Variants in PLPPR4 observed in about 807,000 individuals in gnomAD.
PLPPR4 encodes phospholipid phosphatase related 4.
PLPPR4 carries 24 observed loss-of-function variants against 56.6 expected under a neutral mutation model. The ratio of observed to expected loss-of-function variants is 0.42; its 90% CI spans 0.31 to 0.60. The LOEUF (loss-of-function observed/expected upper bound fraction) is 0.60. PLPPR4 is among the 20% of genes least tolerant of loss of function. The pLI, the probability that PLPPR4 is intolerant of heterozygous loss-of-function variation, is 0.13. For missense variants in PLPPR4, 654 were observed against 885.8 expected (o/e 0.74, Z 3.32); for synonymous variants, 326 against 328.1 (o/e 0.99, Z 0.07).
upstream of PLPPR4, chr1:99,264,264 G>C: frequency 1.7e-6 from 1 of 583,992 alleles, no homozygotes. Flanking sequence ...AAGGGCGGTA[G>C]AGAGCTGAGG....
At chr1:99,301,625 C>A in intron 5 of PLPPR4, 99 bp from the exon 6 acceptor site, 1 of 793,902 alleles carries the variant, frequency 1.3e-6, no homozygotes, top group Non-Finnish European at 1.9e-6. Context: ...AACAGTAAAA[C>A]TGAAGTCAAT....
At chr1:99,278,618 C>A (rs891207409) in intron 1 of PLPPR4, among the ~76,000 whole-genome samples, 2 of 152,136 alleles carry the variant, frequency 1.3e-5, no homozygotes, top group African/African-American at 4.8e-5. Context: ...AATGCACATT[C>A]TTCAGTGTCT....
In PLPPR4 at chr1:99,299,233, T is replaced by C; in HGVS notation, c.590+3T>C. 1.9e-6 allele frequency: 3 copies of C among 1,608,574 alleles called. No individual in the cohort carries two copies. The highest frequency in any genetic ancestry group is 1.7e-6 in the Non-Finnish European group (2 of 1,175,714). ...CTCACAGTTATCAACAGTGGCAGGT[T>C]AGAAACAGATCTAAAAACACTCTGC... is the stretch of plus-strand genomic sequence containing the variant. On this transcript the variant is annotated splice_donor_region_variant and intron_variant, in intron 4 of 6. Coordinates refer to ENST00000370185, the MANE Select transcript of PLPPR4 (RefSeq NM_014839.5).
intron 1 of PLPPR4, among the ~76,000 whole-genome samples, chr1:99,265,461 A>G (rs1658871693): frequency 6.6e-6 from 1 of 152,178 alleles, no homozygotes; most frequent in African/African-American, 2.4e-5. Flanking sequence ...AATTCATAGG[A>G]GTGTTATAAA....
chr1:99,297,455 C>G (rs764867467), intron 3 of PLPPR4, among the ~76,000 whole-genome samples: 5 of 152,126 alleles, frequency 3.3e-5, no homozygotes, highest in Non-Finnish European at 5.9e-5. Context: ...ATCTCTTCTG[C>G]TTAGCATTGG....
At chr1:99,276,482 A>G (rs1251780555) in intron 1 of PLPPR4, among the ~76,000 whole-genome samples, 1 of 152,120 alleles carries the variant, frequency 6.6e-6, no homozygotes, top group Non-Finnish European at 1.5e-5. Context: ...ATTAATTTAG[A>G]AACACTGATG....
intron 1 of PLPPR4, among the ~76,000 whole-genome samples, chr1:99,275,651 G>A (rs1347076734): frequency 6.6e-6 from 1 of 152,136 alleles, no homozygotes; most frequent in Admixed American, 6.6e-5. Flanking sequence ...AAAGGCTAGT[G>A]GTTCTTTCAG....
At chr1:99,283,359 C>G (rs1189095995) in intron 1 of PLPPR4, among the ~76,000 whole-genome samples, 1 of 152,116 alleles carries the variant, frequency 6.6e-6, no homozygotes, top group Non-Finnish European at 1.5e-5. Flanking sequence ...AGGCTAAAAA[C>G]AAGTAAGCTG....
Position 99,306,104 on chromosome 1 carries a change from G to A in PLPPR4, c.1242G>A (p.Leu414=). 6.2e-7 allele frequency: 1 copy of A among 1,614,120 alleles called. No homozygotes were observed. Among genetic ancestry groups the A allele is most frequent in the South Asian group, 1.1e-5 (1 of 91,078 alleles). The change falls in exon 7 of 7, where the codon TTG becomes TTA. Residue 414 remains leucine, a synonymous_variant. Coordinates refer to ENST00000370185, the MANE Select transcript of PLPPR4 (RefSeq NM_014839.5). The surrounding 1 kb of genome is among the most constrained non-coding windows in gnomAD (Gnocchi z 4.0). The stretch of plus-strand genomic sequence containing the variant: ...AGAATGAAAGTCGAAAGTTGTCCTT[G>A]CAAGTTATAGAGCCTGAGCCTGGGC... The part of the protein sequence containing the change: ...KNKNESRKLS[L]QVIEPEPGQS...
At chr1:99,291,691 C>T (rs1043504143) in intron 2 of PLPPR4, among the ~76,000 whole-genome samples, 3 of 152,158 alleles carry the variant, frequency 2.0e-5, no homozygotes, top group Admixed American at 6.6e-5. Context: ...CCAAACACCA[C>T]GTGTTCTCAT....
intron 1 of PLPPR4, among the ~76,000 whole-genome samples, chr1:99,283,779 G>T (rs1203212417): frequency 6.7e-6 from 1 of 149,120 alleles, no homozygotes; most frequent in Non-Finnish European, 1.5e-5. Context: ...GTGAAACCGC[G>T]TCTCTACTAA....
intron 3 of PLPPR4, 76 bp from the exon 4 acceptor site, chr1:99,298,959 C>T (rs762617015): frequency 3.4e-5 from 33 of 959,814 alleles, no homozygotes; most frequent in Non-Finnish European, 5.3e-5. Flanking sequence ...GATCTTAATT[C>T]ACTAATGTTT....
chr1:99,266,160 C>T (rs866383906), intron 1 of PLPPR4, among the ~76,000 whole-genome samples: 3 of 152,116 alleles, frequency 2.0e-5, no homozygotes, highest in Admixed American at 6.5e-5. Context: ...GATGAGATAC[C>T]TGCCTTCAAG....
intron 2 of PLPPR4, among the ~76,000 whole-genome samples, chr1:99,293,386 G>T (rs1418886357): frequency 3.9e-5 from 6 of 151,978 alleles, no homozygotes; most frequent in Non-Finnish European, 8.8e-5. Flanking sequence ...CCCTTAAATT[G>T]AAAAATTTAT....
chr1:99,296,485 G>A (rs1659745487), intron 2 of PLPPR4, among the ~76,000 whole-genome samples: 1 of 152,128 alleles, frequency 6.6e-6, no homozygotes, highest in Non-Finnish European at 1.5e-5. Context: ...GACCTAATCT[G>A]CTGGTAAAAT....
chr1:99,297,924 T>A (rs1007192358), intron 3 of PLPPR4, among the ~76,000 whole-genome samples: 1 of 152,094 alleles, frequency 6.6e-6, no homozygotes, highest in African/African-American at 2.4e-5. Context: ...TAGAGAACAA[T>A]GTTCCAGAGC....
intron 2 of PLPPR4, among the ~76,000 whole-genome samples, chr1:99,288,606 TA>T (rs1282181623): frequency 6.6e-6 from 1 of 152,120 alleles, no homozygotes; most frequent in East Asian, 1.9e-4. Context: ...ATACTGAGCA[TA>T]AATAATTATA....
intron 1 of PLPPR4, among the ~76,000 whole-genome samples, chr1:99,284,572 C>T (rs754003258): frequency 1.7e-4 from 25 of 151,370 alleles, no homozygotes; most frequent in Non-Finnish European, 1.3e-4. Flanking sequence ...TGAGCCACTG[C>T]GCCCAGAGAA....
rs2100816636 is a variant in PLPPR4 at position 99,309,172 on chromosome 1, C to CATGTAT, written c.*2165_*2170dup. The CATGTAT allele has an allele frequency of 6.6e-6, 1 of 152,620 alleles. No homozygotes were observed. The highest frequency in any genetic ancestry group is 2.1e-4 in the South Asian group (1 of 4,818). 9.5% of individuals were successfully genotyped at this position (152,620 alleles called of 1,614,324 possible). On this transcript the variant is annotated 3_prime_UTR_variant, in exon 7 of 7. Transcript: ENST00000370185. ...ATAGACACTAGAACTCAGACCTCTG[C>CATGTAT]ATGTATATTTGATAACATGTCTTTT... is the stretch of plus-strand genomic sequence containing the variant.
Sources: allele counts gnomAD v4.1 joint callset (sites outside exome capture counted in the v4.1 genomes callset), GRCh38; gene constraint gnomAD v4.1.1; non-coding constraint Gnocchi (gnomAD v3.1); transcripts MANE v1.5; gene names NCBI Gene and HGNC (gene_info 2026-07-23, HGNC 2026-07-21).